The following TBC1D17 variants were observed in gnomAD, a reference collection of about 807,000 sequenced individuals.
TBC1D17 encodes TBC1 domain family, member 17.
In TBC1D17, 69 loss-of-function variants were observed where a neutral mutation model predicts 78.8. That is an observed-to-expected ratio of 0.88 (90% CI 0.72 to 1.07). The LOEUF is 1.07. Among genes scored for constraint, TBC1D17 ranks in the 50% least tolerant of loss-of-function variants. TBC1D17 has a pLI of 0.00. For synonymous variants in TBC1D17, 456 were observed against 358.3 expected, an observed-to-expected ratio of 1.27 and a Z score of -3.08; for missense variants, 957 against 861.0, an observed-to-expected ratio of 1.11 and a Z score of -1.39.
At chr19:49,887,095 C>T (rs1200814156) in intron 13 of TBC1D17, 2 of 260,282 alleles carry the variant, frequency 7.7e-6, no homozygotes, top group Non-Finnish European at 1.5e-5. Context: ...CCTCACCCTC[C>T]CAAAGTGCTG....
Position 49,882,073 on chromosome 19 carries a change from T to C in TBC1D17, c.560T>C (p.Phe187Ser), listed in dbSNP as rs1216803811. 1.2e-6 allele frequency: 2 copies of C among 1,614,020 alleles called. No individual in the cohort carries two copies. Among genetic ancestry groups the C allele is most frequent in the East Asian group, 4.5e-5 (2 of 44,888 alleles). The change falls in exon 6 of 17, where the codon TTC becomes TCC. Residue 187 changes from phenylalanine (F) to serine (S), a missense_variant. By Grantham distance (155) the Phe-to-Ser change is radical. Transcript: ENST00000221543. The part of the protein sequence containing the change: ...SPQDSRLYLV[F>S]PHDSSALSNS... The stretch of plus-strand genomic sequence containing the variant: ...CAGGACTCCCGCCTCTACCTTGTCT[T>C]CCCCCACGACTCCTCTGCTCTCTCC...
intron 13 of TBC1D17, among the ~76,000 whole-genome samples, chr19:49,884,966 C>A (rs1224573805): frequency 6.6e-6 from 1 of 152,202 alleles, no homozygotes; most frequent in African/African-American, 2.4e-5. Flanking sequence ...CTCACCCCGT[C>A]CTCATGCTCA....
Position 49,877,742 on chromosome 19 carries a change from A to G in TBC1D17, c.19A>G (p.Arg7Gly), listed in dbSNP as rs1421180275. 3.1e-6 allele frequency: 5 copies of G among 1,596,088 alleles called. No individual in the cohort carries two copies. The highest frequency in any genetic ancestry group is 3.6e-5 in the Admixed American group (2 of 56,322). The change falls in exon 1 of 17, where the codon AGG (arginine) becomes GGG (glycine). Residue 7 changes from arginine to glycine, a missense_variant and splice_region_variant. Arg to Gly is a moderately radical substitution (Grantham distance 125). Transcript: ENST00000221543. ...GGCGACTATGGAAGGAGCCGGCTAC[A>G]GGGTAAGCACTGAGGACGCATTCCC... MEGAGY[R>G]VVFEKGGVYL...
chr19:49,882,770 C>A lies in TBC1D17; in HGVS notation c.805C>A (p.Leu269Met), dbSNP rs149315360. Residue 269 changes from leucine to methionine, a missense_variant, in exon 8 of 17, where the codon CTG becomes ATG. By Grantham distance (15) the Leu-to-Met change is conservative. Transcript: ENST00000221543. ...ATTTGCTCTTTGCCTGCAGGTGGAG[C>A]TGGGGCCTCGGCCAACCGTGGAGCG... ...PGFEVISCVE[L>M]GPRPTVERGP... The A allele has an allele frequency of 6.4e-7, 1 of 1,571,512 alleles. No homozygotes were observed. Among genetic ancestry groups the A allele is most frequent in the Non-Finnish European group, 8.6e-7 (1 of 1,159,346 alleles).
At chr19:49,885,131 G>C (rs2075048028) in intron 13 of TBC1D17, 1 of 274,822 alleles carries the variant, frequency 3.6e-6, no homozygotes, top group Non-Finnish European at 7.1e-6. Flanking sequence ...TGGGGCTGGG[G>C]GTGCTGCATC....
intron 3 of TBC1D17, 99 bp downstream of exon 3, chr19:49,878,671 C>T (rs2074982600): frequency 1.7e-6 from 2 of 1,163,414 alleles, no homozygotes; most frequent in East Asian, 4.8e-5. Context: ...CAGACCTACT[C>T]GTGGGGCATG....
At chr19:49,877,884 C>A in intron 1 of TBC1D17, 140 bp downstream of exon 1, 2 of 1,094,502 alleles carry the variant, frequency 1.8e-6, no homozygotes, top group Non-Finnish European at 2.6e-6. Context: ...GCGCCGTCAC[C>A]CTCCCGTCCA....
At chr19:49,881,542 TC>T (rs2075013289) in intron 5 of TBC1D17, 67 bp downstream of exon 5, 2 of 1,473,416 alleles carry the variant, frequency 1.4e-6, no homozygotes, top group Non-Finnish European at 9.2e-7. Flanking sequence ...GCGTGACCCC[TC>T]GGGGCTGTGA....
At chr19:49,877,790 C>T (rs953587624) in intron 1 of TBC1D17, 46 bp downstream of exon 1, 2 of 1,561,286 alleles carry the variant, frequency 1.3e-6, no homozygotes, top group Middle Eastern at 1.7e-4. Context: ...ATGCGAAACG[C>T]CCCGTCTAGT....
At position 49,884,707 on chromosome 19, in the gene TBC1D17, C is replaced by T; in HGVS notation, c.1393C>T (p.Arg465Ter). ...GGAGACCATGAAGCGGCAACTCGGGCGACTGCTGCTGCTCCTGAGGGTGCT... is the reference window on the plus strand; with the variant it reads ...GGAGACCATGAAGCGGCAACTCGGGTGACTGCTGCTGCTCCTGAGGGTGCT... ...SQETMKRQLG[R>*]LLLLLRVLDP... The change falls in exon 13 of 17, where the codon CGA (arginine) becomes TGA (stop). Residue 465 changes from arginine (R) to a stop codon, truncating the protein, a stop_gained. Transcript: ENST00000221543. LOFTEE classifies it high-confidence loss of function. 7 of 1,614,076 alleles carry T rather than the reference C, an allele frequency of 4.3e-6. No homozygotes were observed. Among genetic ancestry groups the T allele is most frequent in the East Asian group, 2.2e-5 (1 of 44,888 alleles).
chr19:49,884,413 G>A (rs775341450), intron 11 of TBC1D17, 44 bp downstream of exon 11: 1 of 1,613,890 alleles, frequency 6.2e-7, no homozygotes, highest in Middle Eastern at 1.6e-4. Context: ...GGCTGTCCAG[G>A]GGAGCGCTGC....
intron 4 of TBC1D17, among the ~76,000 whole-genome samples, chr19:49,880,924 C>T (rs1376576360): frequency 1.3e-5 from 2 of 152,170 alleles, no homozygotes; most frequent in Non-Finnish European, 2.9e-5. Context: ...GCTGGCCTTT[C>T]ATTGTAGCTC....
chr19:49,887,481 C>T lies in TBC1D17; in HGVS notation c.1450C>T (p.Gln484Ter), dbSNP rs752428679. 1 of 1,613,950 alleles carries T rather than the reference C, an allele frequency of 6.2e-7. No individual in the cohort carries two copies. The change falls in exon 14 of 17, where the codon CAG becomes TAG. Residue 484 changes from glutamine (Q) to a stop codon, truncating the protein, a stop_gained. Coordinates refer to ENST00000221543, the MANE Select transcript of TBC1D17 (RefSeq NM_024682.3). LOFTEE classifies it high-confidence loss of function. ...DPLLCDFLDS[Q>*]DSGSLCFCFR... The stretch of plus-strand genomic sequence containing the variant: ...GGCTCCATGTCATCCCCCAGATTCC[C>T]AGGACTCCGGCTCTCTCTGCTTCTG...
In TBC1D17 at chr19:49,880,370, G is replaced by C; in HGVS notation, c.287G>C (p.Arg96Pro). The change falls in exon 4 of 17, where the codon CGG (arginine) becomes CCG (proline). Residue 96 changes from arginine (R) to proline (P), a missense_variant. Coordinates refer to ENST00000221543, the MANE Select transcript of TBC1D17 (RefSeq NM_024682.3). ...GACTGGGCTGTCATCAGCACTGTGC[G>C]GCCACAGCTCTGCCACTCAGAGCCC... is the stretch of plus-strand genomic sequence containing the variant. ...EPDWAVISTV[R>P]PQLCHSEPTR... 6.2e-7 allele frequency: 1 copy of C among 1,613,886 alleles called. No individual in the cohort carries two copies. The highest frequency in any genetic ancestry group is 1.3e-5 in the African/African-American group (1 of 75,042).
rs1022344333 is a variant in TBC1D17, at chr19:49,877,763, T to C, written c.21+19T>C. The C allele has an allele frequency of 1.9e-6, 3 of 1,585,018 alleles. No homozygotes were observed. The highest frequency in any genetic ancestry group is 1.7e-6 in the Non-Finnish European group (2 of 1,166,062). ...CTACAGGGTAAGCACTGAGGACGCA[T>C]TCCCTCGCTTCAGTGTATGCGAAAC... On this transcript the variant is annotated intron_variant, in intron 1 of 16. Transcript: ENST00000221543.
At chr19:49,883,621 C>T (rs369732323) in intron 9 of TBC1D17, 30 bp from the exon 10 acceptor site, 44 of 1,598,932 alleles carry the variant, frequency 2.8e-5, no homozygotes, top group Non-Finnish European at 3.5e-5. Flanking sequence ...ACAGTGGCGG[C>T]CTCACATCTT....
At chr19:49,887,960 G>C (rs969346196) in intron 15 of TBC1D17, 126 bp downstream of exon 15, 129 of 965,142 alleles carry the variant, frequency 1.3e-4, no homozygotes, top group Non-Finnish European at 1.8e-4. Context: ...GGAGCGCAGT[G>C]GGGGTGGGGC....
intron 13 of TBC1D17, chr19:49,885,472 AT>A (rs2075051526): frequency 6.9e-6 from 1 of 145,068 alleles, no homozygotes; most frequent in African/African-American, 2.6e-5. Context: ...AAAAAAAAAT[AT>A]ATTCTTTATT....
Position 49,888,526 on chromosome 19 carries a change from G to GGC in TBC1D17, c.1849_1850insGC (p.Ala617GlyfsTer46). 6.5e-7 allele frequency: 1 copy of GGC among 1,533,214 alleles called. No homozygotes were observed. The highest frequency in any genetic ancestry group is 8.8e-7 in the Non-Finnish European group (1 of 1,141,156). The allele number at this position is 1,533,214 out of a possible 1,614,324, so 95.0% of individuals were successfully genotyped here. A position where few individuals can be genotyped will look rare whatever the true frequency, so the allele number is the denominator to read the frequency against. On this transcript the variant is annotated frameshift_variant, in exon 17 of 17. Transcript: ENST00000221543. LOFTEE classifies it low-confidence loss of function (END_TRUNC). ...CCCGCTGCCTCTGTCGCCCACCCGGGCCCCGCCCACCCCGCCGCCCTCCAC... is the reference window on the plus strand; with the variant it reads ...CCCGCTGCCTCTGTCGCCCACCCGGGGCCCCCGCCCACCCCGCCGCCCTCCAC...
Sources: gnomAD v4.1 joint callset for allele counts (sites outside exome capture counted in the v4.1 genomes callset) on GRCh38, gnomAD v4.1.1 for gene constraint, MANE v1.5 for transcripts, NCBI Gene and HGNC (gene_info 2026-07-23, HGNC 2026-07-21) for gene names.